The following LRP2BP variants were observed in gnomAD, a reference collection of about 807,000 sequenced individuals.
LRP2BP encodes LRP2 binding protein, also known as LRP2-binding protein.
LRP2BP carries 38 observed loss-of-function variants against 45.2 expected under a neutral mutation model. The observed-to-expected ratio is 0.84, with a 90% CI of 0.65 to 1.10. The LOEUF (loss-of-function observed/expected upper bound fraction) is 1.10. LRP2BP is among the 50% of genes least tolerant of loss of function. LRP2BP has a pLI of 0.00. For synonymous variants in LRP2BP, 153 were observed against 153.9 expected, an observed-to-expected ratio of 0.99 and a Z score of 0.04; for missense variants, 385 against 418.9, an observed-to-expected ratio of 0.92 and a Z score of 0.71.
intron 6 of LRP2BP, among the ~76,000 whole-genome samples, chr4:185,373,705 ATTTTTTGGAAACTGT>A (rs1487938582): frequency 6.6e-6 from 1 of 152,072 alleles, no homozygotes; most frequent in African/African-American, 2.4e-5. Flanking sequence ...TCCTTATAGG[ATTTTTTGGAAACTGT>A]TTCAACCATT....
chr4:185,385,905 A>AGCG lies in LRP2BP; in HGVS notation c.-21-7699_-21-7698insCGC, dbSNP rs762581661. On this transcript the variant is annotated intron_variant, in intron 1 of 8. Transcript: ENST00000505916. ...GACAGAGCAAGACTCTGTCTCGGGG[A>AGCG]GGGGGGGGGGGAGATAAAGAAATAA... Among the ~76,000 whole-genome samples the AGCG allele has an allele frequency of 4.7e-3, 163 of 34,910 alleles. 3 individuals carry two copies. Among genetic ancestry groups the AGCG allele is most frequent in the African/African-American group, 0.015 (156 of 10,386 alleles). The allele number at this position is 34,910 out of a possible 152,430, so 22.9% of individuals were successfully genotyped here.
intron 8 of LRP2BP, among the ~76,000 whole-genome samples, chr4:185,368,051 G>A (rs949566114): frequency 3.3e-5 from 5 of 152,120 alleles, no homozygotes; most frequent in Admixed American, 2.6e-4. Flanking sequence ...GGTGGTGGGC[G>A]CCTGTGGTGC....
chr4:185,382,710 T>C (rs1017526911), intron 1 of LRP2BP, among the ~76,000 whole-genome samples: 6 of 152,272 alleles, frequency 3.9e-5, no homozygotes, highest in Non-Finnish European at 8.8e-5. Flanking sequence ...ATAATAGTTC[T>C]TTATATATCC....
chr4:185,395,289 A>T lies in LRP2BP; in HGVS notation c.-532T>A. 1.0e-6 allele frequency: 1 copy of T among 985,476 alleles called. No individual in the cohort carries two copies. Among genetic ancestry groups the T allele is most frequent in the Non-Finnish European group, 1.2e-6 (1 of 829,930 alleles). 61.0% of individuals were successfully genotyped at this position (985,476 alleles called of 1,614,324 possible). A position where few individuals can be genotyped will look rare whatever the true frequency, so the allele number is the denominator to read the frequency against. On this transcript the variant is annotated 5_prime_UTR_variant, in exon 1 of 9. Coordinates refer to ENST00000505916, the MANE Select transcript of LRP2BP (RefSeq NM_001377440.1). ...TATGAAATATGGAGGCACTTTCACC[A>T]CACAAATATCCCACTACATATGCTA...
chr4:185,388,138 C>T (rs2095477062), intron 1 of LRP2BP, among the ~76,000 whole-genome samples: 1 of 152,116 alleles, frequency 6.6e-6, no homozygotes, highest in Non-Finnish European at 1.5e-5. Flanking sequence ...GGAGGAGTTC[C>T]ACGGCGTGTA....
In LRP2BP at chr4:185,370,942, T is replaced by C. The variant is rs1187727592; in HGVS notation, c.804-128A>G. On this transcript the variant is annotated intron_variant, in intron 7 of 8. Coordinates refer to ENST00000505916, the MANE Select transcript of LRP2BP (RefSeq NM_001377440.1). ...TCTACTGCTTTGAGAACTAAGTTGT[T>C]TGCTGTGTGGGGAAGGGTCCATGTA... is the stretch of plus-strand genomic sequence containing the variant. 3 of 1,034,206 alleles carry C rather than the reference T, an allele frequency of 2.9e-6. No homozygotes were observed. The East Asian group carries it at 7.7e-5, about 26-fold the overall frequency. The allele number at this position is 1,034,206 out of a possible 1,614,324, so 64.1% of individuals were successfully genotyped here.
intron 8 of LRP2BP, chr4:185,369,709 AT>A (rs1561073606): frequency 2.3e-6 from 1 of 430,710 alleles, no homozygotes; most frequent in Non-Finnish European, 4.6e-6. Flanking sequence ...TTTTAAAGTA[AT>A]TTAGGGTTCC....
rs2095499657 is a variant in LRP2BP, at chr4:185,395,532, A to G, written c.-775T>C. Reference sequence around the variant, plus strand: ...ATCTCTACACTGCCGTTCTTTAAACATCATTAAAAGATATTGTGAATAGTT... The same window carrying G: ...ATCTCTACACTGCCGTTCTTTAAACGTCATTAAAAGATATTGTGAATAGTT... On this transcript the variant is annotated 5_prime_UTR_variant, in exon 1 of 9. It removes an upstream start codon present in the reference 5' UTR. Coordinates refer to ENST00000505916, the MANE Select transcript of LRP2BP (RefSeq NM_001377440.1). 1.0e-6 allele frequency: 1 copy of G among 984,648 alleles called. No homozygotes were observed. The highest frequency in any genetic ancestry group is 1.2e-6 in the Non-Finnish European group (1 of 829,190). 61.0% of individuals were successfully genotyped at this position (984,648 alleles called of 1,614,324 possible). A position where few individuals can be genotyped will look rare whatever the true frequency, so the allele number is the denominator to read the frequency against.
Position 185,365,012 on chromosome 4 carries a change from G to A in LRP2BP, c.*2168C>T, listed in dbSNP as rs1203653676. 1.5e-5 allele frequency: 2 copies of A among 130,244 alleles called. No homozygotes were observed. Among genetic ancestry groups the A allele is most frequent in the Non-Finnish European group, 3.1e-5 (2 of 63,792 alleles). The allele number at this position is 130,244 out of a possible 1,614,324, so 8.1% of individuals were successfully genotyped here. On this transcript the variant is annotated 3_prime_UTR_variant, in exon 9 of 9. Coordinates refer to ENST00000505916, the MANE Select transcript of LRP2BP (RefSeq NM_001377440.1). Reference sequence around the variant, plus strand: ...GGAATCTTAGAGAAGGAGTGTGTGTGTGTGTATGTGTGTGTGTGTGTGTGT... The same window carrying A: ...GGAATCTTAGAGAAGGAGTGTGTGTATGTGTATGTGTGTGTGTGTGTGTGT...
At chr4:185,391,734 T>G (rs547541464) in intron 1 of LRP2BP, among the ~76,000 whole-genome samples, 23 of 152,274 alleles carry the variant, frequency 1.5e-4, no homozygotes, top group Non-Finnish European at 2.8e-4. Flanking sequence ...GTATTTTCCC[T>G]GCCCCAGCCC....
chr4:185,394,768 C>A lies in LRP2BP; in HGVS notation c.-22+11G>T. ...TCAGCCCACACATCTCTCATCTATT[C>A]GGTCACTTACTCATCATCCAACGTT... On this transcript the variant is annotated intron_variant, in intron 1 of 8. Coordinates refer to ENST00000505916, the MANE Select transcript of LRP2BP (RefSeq NM_001377440.1). 1 of 985,374 alleles carries A rather than the reference C, an allele frequency of 1.0e-6. No homozygotes were observed. The highest frequency in any genetic ancestry group is 1.2e-6 in the Non-Finnish European group (1 of 829,888). The allele number at this position is 985,374 out of a possible 1,614,324, so 61.0% of individuals were successfully genotyped here. A position where few individuals can be genotyped will look rare whatever the true frequency, so the allele number is the denominator to read the frequency against.
chr4:185,385,272 C>G (rs1401547938), intron 1 of LRP2BP, among the ~76,000 whole-genome samples: 1 of 152,092 alleles, frequency 6.6e-6, no homozygotes, highest in Admixed American at 6.5e-5. Flanking sequence ...TTCTCTGGAG[C>G]CGATACTGTT....
chr4:185,373,466 C>T (rs766872965), intron 6 of LRP2BP, among the ~76,000 whole-genome samples: 12 of 152,134 alleles, frequency 7.9e-5, no homozygotes, highest in African/African-American at 1.2e-4. Flanking sequence ...TTCGAGCTCC[C>T]GGTGGATTCT....
Position 185,395,513 on chromosome 4 carries a change from A to G in LRP2BP, c.-756T>C. 1 of 985,278 alleles carries G rather than the reference A, an allele frequency of 1.0e-6. No homozygotes were observed. Among genetic ancestry groups the G allele is most frequent in the African/African-American group, 1.7e-5 (1 of 57,382 alleles). 61.0% of individuals were successfully genotyped at this position (985,278 alleles called of 1,614,324 possible). On this transcript the variant is annotated 5_prime_UTR_variant, in exon 1 of 9. Transcript: ENST00000505916. ...TCACAAATCTGACAACAGTATCTCTACACTGCCGTTCTTTAAACATCATTA... is the reference window on the plus strand; with the variant it reads ...TCACAAATCTGACAACAGTATCTCTGCACTGCCGTTCTTTAAACATCATTA...
At chr4:185,397,010 G>GTCTTCTCGT (rs1472904031), upstream of LRP2BP, 1 of 1,611,098 alleles carries the variant, frequency 6.2e-7, no homozygotes, top group Non-Finnish European at 8.5e-7. Context: ...TTCTAGATTC[G>GTCTTCTCGT]TCTTCTCGTT....
intron 2 of LRP2BP, chr4:185,377,299 AC>A (rs1271362127): frequency 3.1e-6 from 1 of 327,516 alleles, no homozygotes; most frequent in Admixed American, 4.0e-5. Context: ...CGGGTGGATC[AC>A]CTGAGTTTGG....
chr4:185,387,804 G>A (rs1303322349), intron 1 of LRP2BP, among the ~76,000 whole-genome samples: 1 of 152,204 alleles, frequency 6.6e-6, no homozygotes, highest in African/African-American at 2.4e-5. Flanking sequence ...CTTCACACCA[G>A]AGCTCGAGAA....
At chr4:185,382,562 C>T (rs988030713) in intron 1 of LRP2BP, among the ~76,000 whole-genome samples, 3 of 152,166 alleles carry the variant, frequency 2.0e-5, no homozygotes, top group African/African-American at 4.8e-5. Flanking sequence ...GGATGTGAAG[C>T]GCTATCTCAT....
At chr4:185,385,730 G>A (rs1485671469) in intron 1 of LRP2BP, among the ~76,000 whole-genome samples, 2 of 147,042 alleles carry the variant, frequency 1.4e-5, no homozygotes, top group Admixed American at 6.8e-5. Flanking sequence ...GTGAAACTCC[G>A]TCTCTACTAA....
Sources: gnomAD v4.1 joint callset for allele counts (sites outside exome capture counted in the v4.1 genomes callset) on GRCh38, gnomAD v4.1.1 for gene constraint, MANE v1.5 for transcripts, NCBI Gene and HGNC (gene_info 2026-07-23, HGNC 2026-07-21) for gene names.